The following IL16 variants were observed in gnomAD, a reference collection of about 807,000 sequenced individuals.
IL16 encodes pro-interleukin-16.
Under a neutral mutation model 110.1 loss-of-function variants are expected in IL16, and 67 were observed. The observed-to-expected ratio is 0.61, with a 90% CI of 0.50 to 0.75. The LOEUF is 0.75. Ranked by LOEUF, IL16 falls within the 30% of genes least tolerant of loss-of-function variation. The probability of loss-of-function intolerance (pLI) is 0.00; values close to 1 mark genes in which losing one functional copy is unlikely to be tolerated. For missense variants in IL16, 1,545 were observed against 1,655.0 expected (o/e 0.93, Z 1.15); for synonymous variants, 689 against 662.9 (o/e 1.04, Z -0.61).
intron 2 of IL16, among the ~76,000 whole-genome samples, chr15:81,246,302 G>C (rs1249969241): frequency 6.6e-6 from 1 of 152,072 alleles, no homozygotes; most frequent in Non-Finnish European, 1.5e-5. Flanking sequence ...ACCTTCGAAA[G>C]TTCCCTTAGG....
At chr15:81,276,231 C>T (rs79513005) in intron 6 of IL16, among the ~76,000 whole-genome samples, 10,754 of 152,278 alleles carry the variant, frequency 0.071, 514 homozygotes, top group East Asian at 0.11. Flanking sequence ...GATCTGAATA[C>T]TCTCCCCACC....
At chr15:81,204,023 G>A (rs1262150648) in intron 1 of IL16, among the ~76,000 whole-genome samples, 2 of 151,206 alleles carry the variant, frequency 1.3e-5, no homozygotes, top group Non-Finnish European at 1.5e-5. Context: ...AGTTCTCCTT[G>A]AAGAGGTCCT....
rs201714634 is a variant in IL16, at chr15:81,279,696, G to C, written c.1003G>C (p.Ala335Pro). ...TCITKDSSSF[A>P]LESPSAPIST... ...TATCACCAAGGACAGCAGCTCCTTC[G>C]CCTTGGAAAGCCCCTCGGCTCCCAT... Residue 335 changes from alanine to proline, a missense_variant, in exon 8 of 19, where the codon GCC becomes CCC. Physicochemically the swap from Ala to Pro is conservative, Grantham distance 27 (BLOSUM62 -1). Coordinates refer to ENST00000683961, the MANE Select transcript of IL16 (RefSeq NM_172217.5). The C allele has an allele frequency of 6.2e-6, 10 of 1,614,088 alleles. No homozygotes were observed. Among genetic ancestry groups the C allele is most frequent in the Non-Finnish European group, 7.6e-6 (9 of 1,180,046 alleles).
intron 11 of IL16, chr15:81,291,912 C>T (rs1408416889): frequency 2.2e-6 from 1 of 455,908 alleles, no homozygotes; most frequent in East Asian, 6.9e-5. Context: ...AATTATCATC[C>T]TCATTTTACA....
intron 16 of IL16, among the ~76,000 whole-genome samples, chr15:81,304,273 A>T (rs1024420095): frequency 6.6e-6 from 1 of 152,120 alleles, no homozygotes; most frequent in Non-Finnish European, 1.5e-5. Context: ...TCTCTCACTG[A>T]GTGCAGCTGA....
Position 81,310,993 on chromosome 15 carries a change from A to G in IL16, c.*2195A>G, listed in dbSNP as rs1900824218. The G allele has an allele frequency of 6.6e-6, 1 of 152,250 alleles. No homozygotes were observed. The highest frequency in any genetic ancestry group is 1.5e-5 in the Non-Finnish European group (1 of 68,056). The allele number at this position is 152,250 out of a possible 1,614,324, so 9.4% of individuals were successfully genotyped here. The stretch of plus-strand genomic sequence containing the variant: ...AGGAGACACAACAACTCCTAGGGCC[A>G]CTGAAGATATAACTATTGCCCAGGT... On this transcript the variant is annotated 3_prime_UTR_variant, in exon 19 of 19. Transcript: ENST00000683961.
chr15:81,187,556 C>T (rs1194853668), intron 1 of IL16, among the ~76,000 whole-genome samples: 2 of 152,194 alleles, frequency 1.3e-5, no homozygotes, highest in East Asian at 3.9e-4. Context: ...GATTGTATCA[C>T]TGCATTCCCG....
At chr15:81,220,498 T>C (rs752365227) in intron 1 of IL16, among the ~76,000 whole-genome samples, 7 of 152,184 alleles carry the variant, frequency 4.6e-5, no homozygotes, top group Non-Finnish European at 8.8e-5. Flanking sequence ...CATTTCTTCA[T>C]TTCTTATCAT....
At position 81,299,901 on chromosome 15, in the gene IL16, G is replaced by A. The variant is rs755137422; in HGVS notation, c.2575G>A (p.Ala859Thr). The A allele has an allele frequency of 6.2e-7, 1 of 1,613,570 alleles. No homozygotes were observed. Among genetic ancestry groups the A allele is most frequent in the Non-Finnish European group, 8.5e-7 (1 of 1,180,010 alleles). The change falls in exon 14 of 19, where the codon GCC becomes ACC. Residue 859 changes from alanine (A) to threonine (T), a missense_variant. By Grantham distance (58) the Ala-to-Thr change is moderately conservative (BLOSUM62 0). Coordinates refer to ENST00000683961, the MANE Select transcript of IL16 (RefSeq NM_172217.5). ...CTCCTCTCAACTGCCTGACAAAGGA[G>A]CCCAGAGACTGAGCCTCCAGCCCTC... ...FGSSQLPDKG[A>T]QRLSLQPSSG...
Position 81,273,470 on chromosome 15 carries a change from G to A in IL16, c.790+266G>A, listed in dbSNP as rs150026148. Among the ~76,000 whole-genome samples the A allele has an allele frequency of 5.6e-4, 86 of 152,256 alleles. 1 individual carries two copies. The East Asian group carries it at 0.015, about 27-fold the overall frequency. Reference sequence around the variant, plus strand: ...CTGGTCTTGGGGCCAGCCTGGGTGGGACTGAAGTCTGAGGGGTCTGTTTCT... The same window carrying A: ...CTGGTCTTGGGGCCAGCCTGGGTGGAACTGAAGTCTGAGGGGTCTGTTTCT... On this transcript the variant is annotated intron_variant, in intron 6 of 18. Coordinates refer to ENST00000683961, the MANE Select transcript of IL16 (RefSeq NM_172217.5).
At position 81,292,888 on chromosome 15, in the gene IL16, T is replaced by C. The variant is rs1479833663; in HGVS notation, c.1753T>C (p.Phe585Leu). Residue 585 changes from phenylalanine (F) to leucine (L), a missense_variant, in exon 12 of 19, where the codon TTT becomes CTT. Transcript: ENST00000683961. ...SHPPLRLKKS[F>L]EILVRKPMSS... is the part of the protein sequence containing the mutation. Reference sequence around the variant, plus strand: ...CCCGCCGCTGAGACTGAAGAAATCCTTTGAGATTTTGGTGAGAAAGCCTAT... The same window carrying C: ...CCCGCCGCTGAGACTGAAGAAATCCCTTGAGATTTTGGTGAGAAAGCCTAT... 6.2e-7 allele frequency: 1 copy of C among 1,614,138 alleles called. No individual in the cohort carries two copies. Among genetic ancestry groups the C allele is most frequent in the Non-Finnish European group, 8.5e-7 (1 of 1,180,026 alleles).
chr15:81,274,569 G>A (rs1323042426), intron 6 of IL16, among the ~76,000 whole-genome samples: 1 of 152,252 alleles, frequency 6.6e-6, no homozygotes, highest in Non-Finnish European at 1.5e-5. Flanking sequence ...AGATTCATCA[G>A]TAACGACCAG....
intron 12 of IL16, among the ~76,000 whole-genome samples, chr15:81,294,231 G>A (rs1222319827): frequency 3.9e-5 from 6 of 152,256 alleles, no homozygotes; most frequent in Non-Finnish European, 5.9e-5. Flanking sequence ...TTTGCAGAGC[G>A]CTGGCAGGAT....
intron 12 of IL16, among the ~76,000 whole-genome samples, chr15:81,294,809 G>A (rs1386240062): frequency 6.6e-6 from 1 of 152,142 alleles, no homozygotes; most frequent in Non-Finnish European, 1.5e-5. Context: ...ATAGAAAACA[G>A]GAAGCAATTT....
At position 81,261,460 on chromosome 15, in the gene IL16, G is replaced by A. The variant is rs183580916; in HGVS notation, c.421+1580G>A. Among the ~76,000 whole-genome samples the A allele has an allele frequency of 2.6e-4, 40 of 152,306 alleles. 1 individual carries two copies. The South Asian group carries it at 7.5e-3, about 28-fold the overall frequency. On this transcript the variant is annotated intron_variant, in intron 3 of 18. Coordinates refer to ENST00000683961, the MANE Select transcript of IL16 (RefSeq NM_172217.5). ...TGGCAGGGGGAAGAGAGCCACCAGG[G>A]TGTTTCTTCCTCTGCTCCCCCACCT...
At chr15:81,307,389 A>G in intron 18 of IL16, among the ~76,000 whole-genome samples, 1 of 152,144 alleles carries the variant, frequency 6.6e-6, no homozygotes. Flanking sequence ...CTGAGACCCA[A>G]AGGGACTCTT....
intron 1 of IL16, among the ~76,000 whole-genome samples, chr15:81,185,544 G>A (rs1895407422): frequency 6.6e-6 from 1 of 151,816 alleles, no homozygotes; most frequent in South Asian, 2.1e-4. Flanking sequence ...TTGTAGAGAT[G>A]GAGTCTTCCT....
At chr15:81,247,076 C>CTTTTTTTTTTTTTTTTTTTTTTTTTT (rs57484982) in intron 2 of IL16, among the ~76,000 whole-genome samples, 1 of 92,638 alleles carries the variant, frequency 1.1e-5, no homozygotes, top group African/African-American at 4.8e-5. Flanking sequence ...TTTTCTTTTC[C>CTTTTTTTTTTTTTTTTTTTTTTTTTT]TTTTTTTTTT....
chr15:81,244,239 GAAGAA>G (rs1897454929), intron 2 of IL16, among the ~76,000 whole-genome samples: 1 of 152,134 alleles, frequency 6.6e-6, no homozygotes, highest in Non-Finnish European at 1.5e-5. Flanking sequence ...AAACTCAAGA[GAAGAA>G]AAGTCTATTG....
Sources: allele counts gnomAD v4.1 joint callset (sites outside exome capture counted in the v4.1 genomes callset), GRCh38; gene constraint gnomAD v4.1.1; transcripts MANE v1.5; gene names NCBI Gene and HGNC (gene_info 2026-07-23, HGNC 2026-07-21).